Variants in PTPRT observed in about 807,000 individuals in gnomAD.
PTPRT encodes protein tyrosine phosphatase receptor type T, also known as receptor-type tyrosine-protein phosphatase T.
PTPRT carries 56 observed loss-of-function variants against 176.8 expected under a neutral mutation model. That is an observed-to-expected ratio of 0.32 (90% CI 0.26 to 0.40). The LOEUF (loss-of-function observed/expected upper bound fraction) is 0.40. Among genes scored for constraint, PTPRT ranks in the 10% least tolerant of loss-of-function variants. PTPRT has a pLI of 1.00. For missense variants in PTPRT, 1,540 were observed against 1,908.2 expected (o/e 0.81, Z 3.60); for synonymous variants, 783 against 739.0 (o/e 1.06, Z -0.96).
chr20:42,118,532 A>G (rs374503780), intron 20 of PTPRT, 32 bp from the exon 21 acceptor site: 1 of 1,564,698 alleles, frequency 6.4e-7, no homozygotes, highest in African/African-American at 1.4e-5. Flanking sequence ...AGGTTAGAGA[A>G]TGCAAGTGCA....
At chr20:42,716,851 C>A (rs976237527) in intron 6 of PTPRT, among the ~76,000 whole-genome samples, 32 of 152,102 alleles carry the variant, frequency 2.1e-4, no homozygotes, top group Non-Finnish European at 4.0e-4. Context: ...GAATACTATG[C>A]AGCCATAAAA....
At chr20:42,389,846 C>T (rs1216572494) in intron 9 of PTPRT, among the ~76,000 whole-genome samples, 8 of 105,282 alleles carry the variant, frequency 7.6e-5, no homozygotes, top group African/African-American at 3.5e-4. Flanking sequence ...CAGAGCAAAA[C>T]CCTGTCAAAA....
rs529662688 is a variant in PTPRT, at chr20:42,115,920, C to T, written c.2983-605G>A. The T allele has an allele frequency of 4.7e-5, 30 of 639,434 alleles. No individual in the cohort carries two copies. In the East Asian group the frequency reaches 5.8e-4, roughly 12 times the overall value. 39.6% of individuals were successfully genotyped at this position (639,434 alleles called of 1,614,324 possible). ...AGCTGCTGGACTCCAAGGGAAGATG[C>T]GCAGTTCCTCTCTGACCCTGGACGC... On this transcript the variant is annotated intron_variant, in intron 21 of 30. Coordinates refer to ENST00000373187, the MANE Select transcript of PTPRT (RefSeq NM_007050.6).
At chr20:42,429,287 C>G (rs3903491) in intron 9 of PTPRT, among the ~76,000 whole-genome samples, 139,756 of 152,198 alleles carry the variant, frequency 0.92, 64,375 homozygotes, top group East Asian at 1. Context: ...ATAATTCAAG[C>G]AGAGTTGACT....
chr20:43,077,239 C>T (rs182487208), intron 1 of PTPRT, among the ~76,000 whole-genome samples: 1 of 152,218 alleles, frequency 6.6e-6, no homozygotes, highest in Admixed American at 6.5e-5. Flanking sequence ...AGGGTTGTGC[C>T]AAGGGCTTCA....
chr20:42,259,706 G>A (rs887200640), intron 13 of PTPRT, among the ~76,000 whole-genome samples: 1 of 152,188 alleles, frequency 6.6e-6, no homozygotes, highest in South Asian at 2.1e-4. Flanking sequence ...CTGAGGTAGG[G>A]GTCAAAGCTA....
At chr20:42,982,246 G>T (rs1178038811) in intron 1 of PTPRT, among the ~76,000 whole-genome samples, 1 of 152,296 alleles carries the variant, frequency 6.6e-6, no homozygotes, top group South Asian at 2.1e-4. Context: ...TTATGCTGCC[G>T]GCACGGGGCT....
chr20:42,859,962 G>C (rs1437740791), intron 2 of PTPRT, among the ~76,000 whole-genome samples: 1 of 151,962 alleles, frequency 6.6e-6, no homozygotes, highest in Non-Finnish European at 1.5e-5. Context: ...CTTTATGGCT[G>C]TACCTTCAAT....
chr20:42,221,861 C>A (rs911942554), intron 15 of PTPRT, among the ~76,000 whole-genome samples: 1 of 152,132 alleles, frequency 6.6e-6, no homozygotes, highest in Non-Finnish European at 1.5e-5. Flanking sequence ...CAATAACTCC[C>A]TCACTATCAT....
chr20:42,421,260 G>A (rs553107771), intron 9 of PTPRT, among the ~76,000 whole-genome samples: 10 of 131,040 alleles, frequency 7.6e-5, no homozygotes, highest in Non-Finnish European at 1.3e-4. Context: ...ACACACGCAC[G>A]CACGCACACA....
At chr20:42,681,503 C>A (rs1035913203) in intron 6 of PTPRT, among the ~76,000 whole-genome samples, 29 of 152,120 alleles carry the variant, frequency 1.9e-4, no homozygotes, top group African/African-American at 6.8e-4. Flanking sequence ...AGTCTATGAA[C>A]AAAGAAAAAT....
chr20:42,638,228 C>A (rs2074652731), intron 7 of PTPRT, among the ~76,000 whole-genome samples: 1 of 151,978 alleles, frequency 6.6e-6, no homozygotes, highest in Admixed American at 6.6e-5. Context: ...AGGTTTGTTG[C>A]CAATTAAAGG....
chr20:42,648,195 A>G (rs775347557), intron 7 of PTPRT, among the ~76,000 whole-genome samples: 1 of 152,134 alleles, frequency 6.6e-6, no homozygotes, highest in Non-Finnish European at 1.5e-5. Context: ...AGACAAATGC[A>G]TCCAAGGAAA....
intron 1 of PTPRT, among the ~76,000 whole-genome samples, chr20:42,915,467 C>T (rs1470082457): frequency 2.6e-5 from 4 of 152,206 alleles, no homozygotes; most frequent in Non-Finnish European, 5.9e-5. Context: ...ACGTAATCTA[C>T]GTGCATCTTC....
intron 2 of PTPRT, among the ~76,000 whole-genome samples, chr20:42,847,191 C>G (rs972722511): frequency 1.3e-5 from 2 of 152,134 alleles, no homozygotes; most frequent in African/African-American, 4.8e-5. Context: ...GTAAGTGTAG[C>G]AGAGCACCCA....
chr20:42,553,816 G>A (rs916693346), intron 7 of PTPRT, among the ~76,000 whole-genome samples: 1 of 152,122 alleles, frequency 6.6e-6, no homozygotes, highest in African/African-American at 2.4e-5. Context: ...ATTCCAGGAT[G>A]GAGCTTAGTT....
chr20:42,770,185 C>T (rs945379552), intron 5 of PTPRT, among the ~76,000 whole-genome samples: 2 of 152,120 alleles, frequency 1.3e-5, no homozygotes, highest in Non-Finnish European at 2.9e-5. Context: ...GGCAGTGGTG[C>T]GATCTCAGTT....
chr20:42,224,991 A>C (rs2055972793), intron 15 of PTPRT, among the ~76,000 whole-genome samples: 1 of 152,122 alleles, frequency 6.6e-6, no homozygotes, highest in Non-Finnish European at 1.5e-5. Flanking sequence ...TTCTCTGCCC[A>C]CCGGTCTACA....
intron 9 of PTPRT, among the ~76,000 whole-genome samples, chr20:42,353,164 C>G (rs2058311114): frequency 6.6e-6 from 1 of 152,188 alleles, no homozygotes; most frequent in Admixed American, 6.5e-5. Flanking sequence ...CCAGTGGTCA[C>G]CATGCTGGAC....
Sources: allele counts gnomAD v4.1 joint callset (sites outside exome capture counted in the v4.1 genomes callset), GRCh38; gene constraint gnomAD v4.1.1; transcripts MANE v1.5; gene names NCBI Gene and HGNC (gene_info 2026-07-23, HGNC 2026-07-21).